NCR3LG1: variants seen among roughly 807,000 people sequenced by gnomAD.
NCR3LG1 encodes the protein natural killer cell cytotoxicity receptor 3 ligand 1, also known as natural cytotoxicity triggering receptor 3 ligand 1.
In NCR3LG1, 35 loss-of-function variants were observed where a neutral mutation model predicts 34.8. That is an observed-to-expected ratio of 1.01 (90% CI 0.77 to 1.33). The LOEUF (loss-of-function observed/expected upper bound fraction) is 1.33, where lower values mean the gene tolerates loss of function less well. Among genes scored for constraint, NCR3LG1 ranks in the 40% most tolerant of loss-of-function variants. The pLI is 0.00. For missense variants in NCR3LG1, 452 were observed against 423.3 expected (o/e 1.07, Z -0.60); for synonymous variants, 173 against 163.6 (o/e 1.06, Z -0.44).
intron 2 of NCR3LG1, among the ~76,000 whole-genome samples, chr11:17,357,363 A>G (rs1266344922): frequency 6.6e-6 from 1 of 152,126 alleles, no homozygotes; most frequent in Non-Finnish European, 1.5e-5. Flanking sequence ...TTATAAGGAT[A>G]CCAATCATAT....
At chr11:17,370,127 C>T (rs559290653) in intron 4 of NCR3LG1, among the ~76,000 whole-genome samples, 10 of 152,300 alleles carry the variant, frequency 6.6e-5, no homozygotes, top group South Asian at 2.1e-4. Context: ...ATGCACACTA[C>T]GAGGATGGGG....
rs1953370080 is a variant in NCR3LG1, at chr11:17,368,326, GCATCT to G, written c.761-539_761-535del. On this transcript the variant is annotated intron_variant, in intron 3 of 4. Coordinates refer to ENST00000338965, the MANE Select transcript of NCR3LG1 (RefSeq NM_001202439.3). ...GTGTGGGTGGCTCTGCTGGTAAAAT[GCATCT>G]CCCTGGGGCTGAGAAGAGTAAGGAA... Among the ~76,000 whole-genome samples the G allele has an allele frequency of 2.6e-5, 4 of 152,130 alleles. No individual in the cohort carries two copies. In the South Asian group the frequency reaches 8.3e-4, roughly 32 times the overall value.
chr11:17,354,818 A>AT (rs1353490348), intron 1 of NCR3LG1, among the ~76,000 whole-genome samples: 2 of 152,102 alleles, frequency 1.3e-5, no homozygotes, highest in Non-Finnish European at 2.9e-5. Flanking sequence ...ATCTTTGAGT[A>AT]AGTTGGCAGG....
intron 2 of NCR3LG1, among the ~76,000 whole-genome samples, chr11:17,363,066 A>T (rs1475338730): frequency 6.8e-6 from 1 of 146,632 alleles, no homozygotes. Flanking sequence ...GACCACAGGC[A>T]TGCACCACCA....
At chr11:17,354,617 G>C (rs7121987) in intron 1 of NCR3LG1, among the ~76,000 whole-genome samples, 31,180 of 142,762 alleles carry the variant, frequency 0.22, 3,787 homozygotes, top group African/African-American at 0.3. Context: ...CAACTAGGTG[G>C]CCTGGCTGTT....
At chr11:17,368,176 T>C (rs1049484502) in intron 3 of NCR3LG1, among the ~76,000 whole-genome samples, 1 of 152,118 alleles carries the variant, frequency 6.6e-6, no homozygotes, top group African/African-American at 2.4e-5. Context: ...AGAGTGGTTC[T>C]GCAAATGCTC....
intron 3 of NCR3LG1, among the ~76,000 whole-genome samples, chr11:17,367,693 C>T (rs528660183): frequency 1.3e-5 from 2 of 152,254 alleles, no homozygotes; most frequent in South Asian, 4.1e-4. Context: ...GGGACAGTAT[C>T]CTACCCGTGT....
intron 2 of NCR3LG1, among the ~76,000 whole-genome samples, chr11:17,364,867 C>T (rs922157411): frequency 1.3e-5 from 2 of 152,186 alleles, no homozygotes; most frequent in African/African-American, 2.4e-5. Context: ...TTCAAGTCTA[C>T]TGTTGAACCC....
chr11:17,380,459 T>C (rs142375700), downstream of NCR3LG1, among the ~76,000 whole-genome samples: 157 of 152,268 alleles, frequency 1.0e-3, 1 homozygote, highest in East Asian at 0.023. Flanking sequence ...ACTGGAATCA[T>C]TGGGTGAGTA....
chr11:17,370,887 G>C lies in NCR3LG1; in HGVS notation c.859-1119G>C, dbSNP rs188064030. Among the ~76,000 whole-genome samples, 552 of 152,294 alleles carry C rather than the reference G, an allele frequency of 3.6e-3. 9 individuals carry two copies. Among genetic ancestry groups the C allele is most frequent in the Non-Finnish European group, 7.1e-4 (48 of 68,028 alleles). On this transcript the variant is annotated intron_variant, in intron 4 of 4. Coordinates refer to ENST00000338965, the MANE Select transcript of NCR3LG1 (RefSeq NM_001202439.3). The stretch of plus-strand genomic sequence containing the variant: ...CTTTATAGCCTGGGGAGATAATCCT[G>C]TTAAGCAAAGTCAGCAAGTGCCTTA...
At chr11:17,364,539 T>C (rs903067502) in intron 2 of NCR3LG1, among the ~76,000 whole-genome samples, 1 of 147,892 alleles carries the variant, frequency 6.8e-6, no homozygotes. Context: ...ACTGATTCTT[T>C]CCTTGTCAGT....
intron 2 of NCR3LG1, among the ~76,000 whole-genome samples, chr11:17,357,742 C>G (rs1395990406): frequency 6.6e-6 from 1 of 152,072 alleles, no homozygotes; most frequent in African/African-American, 2.4e-5. Flanking sequence ...GGGTCTCCCT[C>G]TGTTGCCCAG....
chr11:17,355,202 G>C (rs1412285715), intron 1 of NCR3LG1, among the ~76,000 whole-genome samples: 1 of 152,076 alleles, frequency 6.6e-6, no homozygotes, highest in Non-Finnish European at 1.5e-5. Flanking sequence ...TTAGAGACCA[G>C]TCTGGGCAAC....
At position 17,377,322 on chromosome 11, in the gene NCR3LG1, CAAAAAAAAA is replaced by C. The variant is rs60164401; in HGVS notation, c.*4821_*4829del. On this transcript the variant is annotated 3_prime_UTR_variant, in exon 5 of 5. Transcript: ENST00000338965. The stretch of plus-strand genomic sequence containing the variant: ...TGAAACCCCGTCTGTACTAATAATA[CAAAAAAAAA>C]AAAAAAAAAAGCCAGGCGTGGTGGT... 6 of 80,310 alleles carry C rather than the reference CAAAAAAAAA, an allele frequency of 7.5e-5. No homozygotes were observed. Among genetic ancestry groups the C allele is most frequent in the Non-Finnish European group, 1.5e-4 (6 of 40,306 alleles). 5.0% of individuals were successfully genotyped at this position (80,310 alleles called of 1,614,324 possible). A position where few individuals can be genotyped will look rare whatever the true frequency, so the allele number is the denominator to read the frequency against.
chr11:17,367,069 A>C lies in NCR3LG1; in HGVS notation c.482A>C (p.Tyr161Ser). ...GGCATGAAAGAGAATGAAGACAAAT[A>C]TATGTGTGAGTCAAGTGGGTTCTAC... ...QVGMKENEDK[Y>S]MCESSGFYPE... The change falls in exon 3 of 5, where the codon TAT becomes TCT. Residue 161 changes from tyrosine (Y) to serine (S), a missense_variant. Physicochemically the swap from Tyr to Ser is moderately radical, Grantham distance 144 (BLOSUM62 -2). Transcript: ENST00000338965. The C allele has an allele frequency of 6.5e-7, 1 of 1,536,088 alleles. No homozygotes were observed. Among genetic ancestry groups the C allele is most frequent in the Non-Finnish European group, 8.7e-7 (1 of 1,146,892 alleles).
In NCR3LG1 at chr11:17,367,292, G is replaced by C; in HGVS notation, c.705G>C (p.Leu235Phe). The C allele has an allele frequency of 6.5e-7, 1 of 1,536,110 alleles. No homozygotes were observed. The highest frequency in any genetic ancestry group is 8.7e-7 in the Non-Finnish European group (1 of 1,146,892). Residue 235 changes from leucine (L) to phenylalanine (F), a missense_variant, in exon 3 of 5, where the codon TTG becomes TTC. Transcript: ENST00000338965. ...VYQCVVRHASLHTPLRSNFTL... is the reference protein window; with the variant it reads ...VYQCVVRHASFHTPLRSNFTL... Reference sequence around the variant, plus strand: ...AGTGTGTGGTACGGCATGCGTCCTTGCATACCCCCTTGAGGAGCAACTTTA... The same window carrying C: ...AGTGTGTGGTACGGCATGCGTCCTTCCATACCCCCTTGAGGAGCAACTTTA...
intron 4 of NCR3LG1, among the ~76,000 whole-genome samples, chr11:17,371,370 T>C (rs1218178884): frequency 3.9e-5 from 6 of 152,126 alleles, no homozygotes; most frequent in African/African-American, 1.4e-4. Flanking sequence ...CTTTCTCTCT[T>C]ATGTCCCTCT....
intron 2 of NCR3LG1, among the ~76,000 whole-genome samples, chr11:17,358,065 A>G (rs1301294118): frequency 1.3e-5 from 2 of 152,226 alleles, no homozygotes; most frequent in Non-Finnish European, 2.9e-5. Context: ...TTACAGAAAC[A>G]TTGCAAAAAT....
At chr11:17,357,402 T>C (rs1433773095) in intron 2 of NCR3LG1, among the ~76,000 whole-genome samples, 1 of 152,132 alleles carries the variant, frequency 6.6e-6, no homozygotes, top group Non-Finnish European at 1.5e-5. Flanking sequence ...AATAACCCCA[T>C]TTTTAACTTA....
Sources: allele counts gnomAD v4.1 joint callset (sites outside exome capture counted in the v4.1 genomes callset), GRCh38; gene constraint gnomAD v4.1.1; transcripts MANE v1.5; gene names NCBI Gene and HGNC (gene_info 2026-07-23, HGNC 2026-07-21).